FAM107B: variants seen among roughly 807,000 people sequenced by gnomAD.
The protein encoded by FAM107B is family with sequence similarity 107 member B, also known as protein FAM107B.
FAM107B carries 21 observed loss-of-function variants against 31.5 expected under a neutral mutation model. The observed-to-expected ratio is 0.67, with a 90% CI of 0.47 to 0.96. The LOEUF (loss-of-function observed/expected upper bound fraction) is 0.96, where lower values mean the gene tolerates loss of function less well. Ranked by LOEUF, FAM107B falls within the 40% of genes least tolerant of loss-of-function variation. FAM107B has a pLI of 0.00. For missense variants in FAM107B, 452 were observed against 377.1 expected, an observed-to-expected ratio of 1.20 and a Z score of -1.64; for synonymous variants, 157 against 141.5, an observed-to-expected ratio of 1.11 and a Z score of -0.78.
At chr10:14,741,840 C>T (rs918717334) in intron 1 of FAM107B, among the ~76,000 whole-genome samples, 3 of 150,962 alleles carry the variant, frequency 2.0e-5, no homozygotes, top group Admixed American at 6.6e-5. Flanking sequence ...CCTGCCTCAG[C>T]CTCCACAGGC....
At chr10:14,730,493 A>T (rs927690303) in intron 1 of FAM107B, among the ~76,000 whole-genome samples, 30 of 152,334 alleles carry the variant, frequency 2.0e-4, no homozygotes, top group African/African-American at 6.5e-4. Context: ...GAAGGTAGAG[A>T]ATATGATGTG....
intron 2 of FAM107B, chr10:14,548,706 A>G (rs1298607473): frequency 1.0e-6 from 1 of 964,934 alleles, no homozygotes; most frequent in African/African-American, 1.8e-5. Flanking sequence ...ACAGTGTCAC[A>G]TGACCACTCT....
At chr10:14,644,698 A>G (rs1853709454) in intron 2 of FAM107B, among the ~76,000 whole-genome samples, 1 of 152,256 alleles carries the variant, frequency 6.6e-6, no homozygotes, top group Non-Finnish European at 1.5e-5. Context: ...TTTTAATGGC[A>G]GGTCCAAATA....
In FAM107B at chr10:14,690,106, A is replaced by G. The variant is rs1469875938; in HGVS notation, c.412-22415T>C. On this transcript the variant is annotated intron_variant, in intron 1 of 4. Coordinates refer to ENST00000181796, the MANE Select transcript of FAM107B (RefSeq NM_031453.4). ...GTATCCAATATCCTCCATGTGACCC[A>G]TCCTTCTCCTCCTGCCTGTTGATTG... is the stretch of plus-strand genomic sequence containing the variant. 2.0e-5 allele frequency among the ~76,000 whole-genome samples: 3 copies of G among 152,228 alleles called. No homozygotes were observed. The East Asian group carries it at 5.8e-4, about 29-fold the overall frequency.
At chr10:14,700,558 T>C (rs1203308919) in intron 1 of FAM107B, among the ~76,000 whole-genome samples, 1 of 151,550 alleles carries the variant, frequency 6.6e-6, no homozygotes, top group Non-Finnish European at 1.5e-5. Context: ...GAAATGACCA[T>C]GAGAATGAGG....
intron 1 of FAM107B, among the ~76,000 whole-genome samples, chr10:14,761,255 A>C (rs1160184688): frequency 6.6e-6 from 1 of 152,214 alleles, no homozygotes; most frequent in Non-Finnish European, 1.5e-5. Flanking sequence ...TGCTATGAAG[A>C]ATCAAACATT....
chr10:14,523,889 G>A (rs1297709933), intron 3 of FAM107B, among the ~76,000 whole-genome samples: 1 of 141,248 alleles, frequency 7.1e-6, no homozygotes, highest in Admixed American at 7.3e-5. Context: ...TTTTTTCTGA[G>A]ACAGGCTCTC....
intron 2 of FAM107B, among the ~76,000 whole-genome samples, chr10:14,596,450 C>T (rs925304571): frequency 6.6e-6 from 1 of 152,142 alleles, no homozygotes; most frequent in African/African-American, 2.4e-5. Context: ...TGGCATATGG[C>T]AGCATTCATT....
At chr10:14,772,362 A>AAAAAATATATATAT (rs10651238) in intron 1 of FAM107B, among the ~76,000 whole-genome samples, 4 of 145,640 alleles carry the variant, frequency 2.7e-5, no homozygotes, top group African/African-American at 7.8e-5. Context: ...TTAAAAAAAA[A>AAAAAATATATATAT]ATATATATAT....
intron 1 of FAM107B, among the ~76,000 whole-genome samples, chr10:14,731,296 T>C (rs1006378958): frequency 3.9e-5 from 6 of 152,158 alleles, no homozygotes; most frequent in African/African-American, 1.4e-4. Context: ...GTGTGGTGGC[T>C]CACGCCTGTA....
At chr10:14,622,945 GC>G (rs1431816870) in intron 2 of FAM107B, among the ~76,000 whole-genome samples, 4 of 152,224 alleles carry the variant, frequency 2.6e-5, no homozygotes, top group Admixed American at 2.0e-4. Flanking sequence ...TTTCTAGTTT[GC>G]CTCTTCAAAG....
chr10:14,594,912 T>C (rs1852137726), intron 2 of FAM107B, among the ~76,000 whole-genome samples: 1 of 152,184 alleles, frequency 6.6e-6, no homozygotes, highest in African/African-American at 2.4e-5. Context: ...AGGGTATCTC[T>C]TATGATAGAT....
chr10:14,734,403 GACC>G (rs1856246240), intron 1 of FAM107B, among the ~76,000 whole-genome samples: 1 of 151,886 alleles, frequency 6.6e-6, no homozygotes, highest in Non-Finnish European at 1.5e-5. Context: ...GCAGCCCACA[GACC>G]ACATGTGGTC....
At chr10:14,669,630 G>A (rs1283046520) in intron 1 of FAM107B, among the ~76,000 whole-genome samples, 2 of 152,188 alleles carry the variant, frequency 1.3e-5, no homozygotes, top group African/African-American at 4.8e-5. Context: ...GTTATTAAAT[G>A]AAATAAGCTA....
chr10:14,723,933 C>CCTTT lies in FAM107B; in HGVS notation c.411+50316_411+50319dup. ...TTATGATGTAGATGCCATCACTTTT[C>CCTTT]CTTTTATAGATGTGCTGTTCCATTT... On this transcript the variant is annotated intron_variant, in intron 1 of 4. Coordinates refer to ENST00000181796, the MANE Select transcript of FAM107B (RefSeq NM_031453.4). 21 of 751,038 alleles carry CCTTT rather than the reference C, an allele frequency of 2.8e-5. 1 individual carries two copies. The South Asian group carries it at 2.8e-4, about 10-fold the overall frequency. 46.5% of individuals were successfully genotyped at this position (751,038 alleles called of 1,614,324 possible). A position where few individuals can be genotyped will look rare whatever the true frequency, so the allele number is the denominator to read the frequency against.
intron 1 of FAM107B, among the ~76,000 whole-genome samples, chr10:14,672,845 C>T (rs1196524679): frequency 1.3e-5 from 2 of 152,156 alleles, no homozygotes; most frequent in East Asian, 3.9e-4. Flanking sequence ...ATACATTCAC[C>T]AATGTACATC....
intron 1 of FAM107B, among the ~76,000 whole-genome samples, chr10:14,671,111 C>T (rs573362918): frequency 1.3e-5 from 2 of 152,158 alleles, no homozygotes; most frequent in Admixed American, 1.3e-4. Flanking sequence ...CTGTGGTTTT[C>T]TGTGCTCCGT....
At chr10:14,581,199 C>A (rs1042871562) in intron 2 of FAM107B, among the ~76,000 whole-genome samples, 12 of 152,250 alleles carry the variant, frequency 7.9e-5, no homozygotes, top group Middle Eastern at 3.4e-3. Flanking sequence ...GAGAGCGTTG[C>A]GCGTCAGATG....
At chr10:14,733,100 T>C (rs989821329) in intron 1 of FAM107B, among the ~76,000 whole-genome samples, 4 of 148,702 alleles carry the variant, frequency 2.7e-5, no homozygotes, top group African/African-American at 7.4e-5. Context: ...ACATTATACA[T>C]AATAATATAT....
Sources: allele counts gnomAD v4.1 joint callset (sites outside exome capture counted in the v4.1 genomes callset), GRCh38; gene constraint gnomAD v4.1.1; transcripts MANE v1.5; gene names NCBI Gene and HGNC (gene_info 2026-07-23, HGNC 2026-07-21).